The following NHSL2 variants were observed in gnomAD, a reference collection of about 807,000 sequenced individuals.
The protein encoded by NHSL2 is NHS like 2, also known as NHS-like protein 2.
A neutral mutation model predicts 53.4 loss-of-function variants in NHSL2; 27 were observed. The ratio of observed to expected loss-of-function variants is 0.51; its 90% CI spans 0.37 to 0.70. The LOEUF is 0.70. NHSL2 is among the 30% of genes least tolerant of loss of function. The pLI is 0.00. For missense variants in NHSL2, 892 were observed against 980.1 expected, an observed-to-expected ratio of 0.91 and a Z score of 1.20; for synonymous variants, 408 against 404.1, an observed-to-expected ratio of 1.01 and a Z score of -0.12.
chrX:71,943,404 A>G (rs1413626579), intron 1 of NHSL2, among the ~76,000 whole-genome samples: 3 of 112,686 alleles, frequency 2.7e-5, no homozygotes, highest in African/African-American at 6.4e-5. Flanking sequence ...GTATCAGATC[A>G]TGGCCAGACT....
intron 1 of NHSL2, among the ~76,000 whole-genome samples, chrX:72,033,657 G>T (rs2042227263): frequency 8.9e-6 from 1 of 112,119 alleles, no homozygotes; most frequent in Non-Finnish European, 1.9e-5. Flanking sequence ...AACTTTAAAT[G>T]GTATTATGTG....
At chrX:72,005,470 C>A (rs1176556722) in intron 1 of NHSL2, among the ~76,000 whole-genome samples, 1 of 111,879 alleles carries the variant, frequency 8.9e-6, no homozygotes, top group Non-Finnish European at 1.9e-5. Context: ...GGATGTTTAA[C>A]CTCATGATTC....
intron 1 of NHSL2, among the ~76,000 whole-genome samples, chrX:72,110,956 C>T (rs2042088340): frequency 9.0e-6 from 1 of 111,150 alleles, no homozygotes; most frequent in African/African-American, 3.3e-5. Context: ...AAATAAACCC[C>T]TGTTGATATG....
rs780751285 is a variant in NHSL2, at chrX:72,138,953, G to A, written c.1405G>A (p.Glu469Lys). 2.5e-5 allele frequency: 30 copies of A among 1,202,772 alleles called. No individual in the cohort carries two copies. In the South Asian group the frequency reaches 3.8e-4, roughly 15 times the overall value. Residue 469 changes from glutamate (E) to lysine (K), a missense_variant, in exon 6 of 8, where the codon GAA (glutamate) becomes AAA (lysine). Physicochemically the swap from Glu to Lys is moderately conservative, Grantham distance 56. Transcript: ENST00000633930. Reference protein sequence around the residue: ...ERLIQQRHMPERPSKIGLLTS... With the variant: ...ERLIQQRHMPKRPSKIGLLTS... Reference sequence around the variant, plus strand: ...CCTTATTCAGCAAAGGCACATGCCCGAAAGACCCTCCAAGATTGGCCTTCT... The same window carrying A: ...CCTTATTCAGCAAAGGCACATGCCCAAAAGACCCTCCAAGATTGGCCTTCT...
At chrX:71,924,512 A>C (rs185697428) in intron 1 of NHSL2, among the ~76,000 whole-genome samples, 32 of 111,796 alleles carry the variant, frequency 2.9e-4, no homozygotes, top group Non-Finnish European at 1.1e-4. Context: ...TCTTCTTTAG[A>C]ACTTGAAAGA....
At chrX:71,915,916 T>TG (rs1190457804) in intron 1 of NHSL2, among the ~76,000 whole-genome samples, 4 of 112,444 alleles carry the variant, frequency 3.6e-5, no homozygotes, top group Non-Finnish European at 5.6e-5. Flanking sequence ...TCTGTAGTTG[T>TG]GGCCGGGGGT....
At chrX:72,031,092 C>T (rs1046500313) in intron 1 of NHSL2, among the ~76,000 whole-genome samples, 6 of 112,201 alleles carry the variant, frequency 5.3e-5, no homozygotes, top group Non-Finnish European at 7.5e-5. Context: ...CATAATTTAA[C>T]ACTCGGAAGG....
chrX:71,998,600 A>G (rs1408885287), intron 1 of NHSL2, among the ~76,000 whole-genome samples: 2 of 111,648 alleles, frequency 1.8e-5, no homozygotes, highest in Non-Finnish European at 3.8e-5. Context: ...GCTGGAGAGA[A>G]GGGGGCTATG....
In NHSL2 at chrX:72,140,630, G is replaced by A. The variant is rs771478708; in HGVS notation, c.3082G>A (p.Glu1028Lys). 1 of 1,210,730 alleles carries A rather than the reference G, an allele frequency of 8.3e-7. No individual in the cohort carries two copies. Among genetic ancestry groups the A allele is most frequent in the Non-Finnish European group, 1.1e-6 (1 of 895,282 alleles). ...PTAQMEAYVA[E>K]PRLPLSPIIT... is the part of the protein sequence containing the mutation. ...AGCTCAAATGGAGGCCTATGTGGCA[G>A]AACCAAGGCTGCCTCTCAGCCCCAT... The change falls in exon 6 of 8, where the codon GAA becomes AAA. Residue 1028 changes from glutamate (E) to lysine (K), a missense_variant. Transcript: ENST00000633930.
Position 72,139,681 on chromosome X carries a change from C to T in NHSL2, c.2133C>T (p.Pro711=), listed in dbSNP as rs142510216. ...GAAGGCCCCCTGGACTGATGTCACCCTCCAGTGGCTACTCCAGCCAGTCGG... is the reference window on the plus strand; with the variant it reads ...GAAGGCCCCCTGGACTGATGTCACCTTCCAGTGGCTACTCCAGCCAGTCGG... The part of the protein sequence containing the change: ...SPGRPPGLMS[P]SSGYSSQSET... Residue 711 remains proline (P), a synonymous_variant, in exon 6 of 8, where the codon CCC becomes CCT. Transcript: ENST00000633930. 22 of 1,208,882 alleles carry T rather than the reference C, an allele frequency of 1.8e-5. No individual in the cohort carries two copies. The highest frequency in any genetic ancestry group is 2.5e-5 in the Non-Finnish European group (22 of 894,700).
chrX:71,917,861 C>T (rs1252046936), intron 1 of NHSL2, among the ~76,000 whole-genome samples: 1 of 111,326 alleles, frequency 9.0e-6, no homozygotes, highest in Non-Finnish European at 1.9e-5. Flanking sequence ...GAGCAAGGCA[C>T]CTCCTGACTC....
At chrX:71,966,262 C>CA (rs1301983988) in intron 1 of NHSL2, among the ~76,000 whole-genome samples, 2 of 112,063 alleles carry the variant, frequency 1.8e-5, no homozygotes, top group Non-Finnish European at 3.8e-5. Flanking sequence ...TGAACACAGA[C>CA]AGTTTTATTT....
intron 1 of NHSL2, among the ~76,000 whole-genome samples, chrX:72,015,851 T>C (rs2042133536): frequency 8.9e-6 from 1 of 112,598 alleles, no homozygotes; most frequent in African/African-American, 3.2e-5. Context: ...TTTTTATTGA[T>C]TTACAGAAAT....
At chrX:72,100,600 T>C (rs1209518340) in intron 1 of NHSL2, among the ~76,000 whole-genome samples, 3 of 111,812 alleles carry the variant, frequency 2.7e-5, no homozygotes, top group Admixed American at 9.4e-5. Flanking sequence ...CCGCCTGAGC[T>C]CCACCTCCTG....
At chrX:72,065,756 C>G (rs2147942692) in intron 1 of NHSL2, among the ~76,000 whole-genome samples, 1 of 112,281 alleles carries the variant, frequency 8.9e-6, no homozygotes, top group East Asian at 2.8e-4. Context: ...CAAGGTTACA[C>G]AGGTAGAAAT....
chrX:71,957,788 G>A (rs1449879183), intron 1 of NHSL2, among the ~76,000 whole-genome samples: 2 of 110,966 alleles, frequency 1.8e-5, no homozygotes, highest in East Asian at 5.6e-4. Flanking sequence ...CTGACTGACT[G>A]AATGAACTCT....
At chrX:71,919,178 A>T (rs963140020) in intron 1 of NHSL2, among the ~76,000 whole-genome samples, 18 of 112,201 alleles carry the variant, frequency 1.6e-4, no homozygotes, top group Admixed American at 1.6e-3. Context: ...AGTAAATAGA[A>T]AAGACAATGG....
At chrX:71,958,181 A>G (rs1428822696) in intron 1 of NHSL2, among the ~76,000 whole-genome samples, 1 of 110,998 alleles carries the variant, frequency 9.0e-6, no homozygotes, top group Non-Finnish European at 1.9e-5. Flanking sequence ...CAGAGAGCAC[A>G]GAGAACTGCA....
intron 4 of NHSL2, among the ~76,000 whole-genome samples, chrX:72,135,680 CA>C (rs2042350341): frequency 8.9e-6 from 1 of 111,888 alleles, no homozygotes; most frequent in South Asian, 3.7e-4. Context: ...GGAAATATAC[CA>C]AAAGGAGTGA....
Sources: gnomAD v4.1 joint callset for allele counts (sites outside exome capture counted in the v4.1 genomes callset) on GRCh38, gnomAD v4.1.1 for gene constraint, MANE v1.5 for transcripts, NCBI Gene and HGNC (gene_info 2026-07-23, HGNC 2026-07-21) for gene names.